PKP2: variants seen among roughly 807,000 people sequenced by gnomAD.
The protein encoded by PKP2 is plakophilin 2.
In PKP2, 73 loss-of-function variants were observed where a neutral mutation model predicts 83.4. That is an observed-to-expected ratio of 0.88 (90% CI 0.72 to 1.06). The LOEUF is 1.06. PKP2 is among the 50% of genes least tolerant of loss of function. The pLI is 0.00. For missense variants in PKP2, 966 were observed against 1,065.4 expected (o/e 0.91, Z 1.30); for synonymous variants, 409 against 430.4 (o/e 0.95, Z 0.62).
chr12:32,822,402 T>C (rs1029746454), intron 8 of PKP2, 65 bp downstream of exon 8: 13 of 1,370,014 alleles, frequency 9.5e-6, no homozygotes, highest in South Asian at 3.5e-5. Flanking sequence ...CATACACATA[T>C]ACACAAACAC....
At chr12:32,873,377 T>A (rs1181620627) in intron 3 of PKP2, among the ~76,000 whole-genome samples, 1 of 149,962 alleles carries the variant, frequency 6.7e-6, no homozygotes, top group Non-Finnish European at 1.5e-5. Flanking sequence ...GGATTACAGG[T>A]GTGAGCCACC....
intron 9 of PKP2, among the ~76,000 whole-genome samples, chr12:32,812,719 G>A (rs186396392): frequency 2.0e-3 from 306 of 152,248 alleles, no homozygotes; most frequent in African/African-American, 7.0e-3. Flanking sequence ...AGCCAGGCTG[G>A]TCTTGAACTC....
chr12:32,804,821 A>G (rs866650688), intron 9 of PKP2, among the ~76,000 whole-genome samples: 1 of 152,230 alleles, frequency 6.6e-6, no homozygotes, highest in Non-Finnish European at 1.5e-5. Flanking sequence ...ATACCCAATA[A>G]TGGGATTGCT....
intron 4 of PKP2, among the ~76,000 whole-genome samples, chr12:32,858,394 C>T (rs1956773591): frequency 6.6e-6 from 1 of 151,738 alleles, no homozygotes; most frequent in Non-Finnish European, 1.5e-5. Context: ...CAATATTCAG[C>T]CCCATTCCCT....
intron 6 of PKP2, among the ~76,000 whole-genome samples, chr12:32,824,632 T>A (rs1290172151): frequency 6.6e-6 from 1 of 152,250 alleles, no homozygotes; most frequent in African/African-American, 2.4e-5. Flanking sequence ...TTTGTGGTTT[T>A]CTAAATTTCA....
intron 9 of PKP2, among the ~76,000 whole-genome samples, chr12:32,805,147 TG>T (rs1455787352): frequency 5.3e-5 from 8 of 151,362 alleles, no homozygotes; most frequent in Non-Finnish European, 1.0e-4. Flanking sequence ...TTAATGGGGT[TG>T]TTTTTTTTTT....
At position 32,825,332 on chromosome 12, in the gene PKP2, C is replaced by T. The variant is rs193109402; in HGVS notation, c.1557-1170G>A. Reference sequence around the variant, plus strand: ...TACAGGCGTGCGTCACTATGCCCAGCTAATTTTTGTATTTTTAGTAGAGAC... The same window carrying T: ...TACAGGCGTGCGTCACTATGCCCAGTTAATTTTTGTATTTTTAGTAGAGAC... On this transcript the variant is annotated intron_variant, in intron 6 of 12. Coordinates refer to ENST00000340811, the MANE Select transcript of PKP2 (RefSeq NM_001005242.3). 1.5e-3 allele frequency among the ~76,000 whole-genome samples: 233 copies of T among 152,006 alleles called. 3 individuals carry two copies. The highest frequency in any genetic ancestry group is 5.5e-3 in the African/African-American group (227 of 41,464).
At chr12:32,856,832 C>CACTG (rs1956754574) in intron 4 of PKP2, among the ~76,000 whole-genome samples, 2 of 152,126 alleles carry the variant, frequency 1.3e-5, no homozygotes, top group East Asian at 3.9e-4. Flanking sequence ...TCCTACCGTT[C>CACTG]ACTGACAGGG....
rs1956139629 is a variant in PKP2 at position 32,797,610 on chromosome 12, C to T, written c.2168-1312G>A. 2.1e-5 allele frequency among the ~76,000 whole-genome samples: 3 copies of T among 145,074 alleles called. No individual in the cohort carries two copies. In the South Asian group the frequency reaches 6.6e-4, roughly 32 times the overall value. ...TTGCTCTGTCACCCAGGCTGGAGTG[C>T]AGTGGCGCGATCTCGGCTCTCTGCA... On this transcript the variant is annotated intron_variant, in intron 10 of 12. Coordinates refer to ENST00000340811, the MANE Select transcript of PKP2 (RefSeq NM_001005242.3).
At chr12:32,835,350 G>A (rs1374114179) in intron 6 of PKP2, among the ~76,000 whole-genome samples, 1 of 152,136 alleles carries the variant, frequency 6.6e-6, no homozygotes, top group African/African-American at 2.4e-5. Context: ...ACCGTGCCCG[G>A]CCTACTTTTG....
At chr12:32,801,265 C>T (rs1160367688) in intron 10 of PKP2, among the ~76,000 whole-genome samples, 1 of 152,178 alleles carries the variant, frequency 6.6e-6, no homozygotes, top group Non-Finnish European at 1.5e-5. Flanking sequence ...GTGTATAGTG[C>T]TGTTATTTAC....
chr12:32,820,391 C>T (rs947399695), intron 9 of PKP2: 1 of 152,020 alleles, frequency 6.6e-6, no homozygotes, highest in Non-Finnish European at 1.5e-5. Context: ...TTACAGAATA[C>T]CTTAATATAT....
chr12:32,839,612 T>A (rs1197609039), intron 6 of PKP2, among the ~76,000 whole-genome samples: 1 of 152,044 alleles, frequency 6.6e-6, no homozygotes, highest in Non-Finnish European at 1.5e-5. Flanking sequence ...TGACCTGCAA[T>A]ATCTCAGCCA....
In PKP2 at chr12:32,840,785, C is replaced by T. The variant is rs113980904; in HGVS notation, c.1556+243G>A. ...AAAAATAAACTGTGTAGGCCGGGCA[C>T]GGTGGCTCACGCCTATAATCCCAGC... On this transcript the variant is annotated intron_variant, in intron 6 of 12. Coordinates refer to ENST00000340811, the MANE Select transcript of PKP2 (RefSeq NM_001005242.3). Among the ~76,000 whole-genome samples, 1,424 of 152,158 alleles carry T rather than the reference C, an allele frequency of 9.4e-3. 8 individuals carry two copies. Among genetic ancestry groups the T allele is most frequent in the Non-Finnish European group, 0.012 (848 of 67,984 alleles).
intron 1 of PKP2, among the ~76,000 whole-genome samples, chr12:32,895,689 G>GGCTT (rs1424743633): frequency 6.6e-6 from 1 of 152,186 alleles, no homozygotes; most frequent in African/African-American, 2.4e-5. Flanking sequence ...TTTCACAAGT[G>GGCTT]GCTTGCCATC....
chr12:32,879,437 C>T (rs1956965628), intron 1 of PKP2, among the ~76,000 whole-genome samples: 1 of 152,090 alleles, frequency 6.6e-6, no homozygotes, highest in African/African-American at 2.4e-5. Flanking sequence ...GAGGCTGAGG[C>T]AGGAGAATCA....
At chr12:32,841,428 A>T (rs1159472937) in intron 5 of PKP2, among the ~76,000 whole-genome samples, 7 of 152,308 alleles carry the variant, frequency 4.6e-5, no homozygotes, top group African/African-American at 1.7e-4. Context: ...CTTAGGCTAC[A>T]AACTGTGCAG....
intron 4 of PKP2, among the ~76,000 whole-genome samples, chr12:32,853,958 A>G (rs1956723334): frequency 6.6e-6 from 1 of 152,254 alleles, no homozygotes; most frequent in African/African-American, 2.4e-5. Flanking sequence ...TTAAGAAAAT[A>G]TAAGTTCATA....
At chr12:32,887,667 GC>G (rs1416341867) in intron 1 of PKP2, among the ~76,000 whole-genome samples, 1 of 152,150 alleles carries the variant, frequency 6.6e-6, no homozygotes, top group African/African-American at 2.4e-5. Flanking sequence ...GGCCAGGCTG[GC>G]CTCAAACTCC....
Sources: allele counts gnomAD v4.1 joint callset (sites outside exome capture counted in the v4.1 genomes callset), GRCh38; gene constraint gnomAD v4.1.1; transcripts MANE v1.5; gene names NCBI Gene and HGNC (gene_info 2026-07-23, HGNC 2026-07-21).